HPSE2: variants seen among roughly 807,000 people sequenced by gnomAD.
HPSE2 encodes the protein inactive heparanase-2.
A neutral mutation model predicts 60.5 loss-of-function variants in HPSE2; 38 were observed. The ratio of observed to expected loss-of-function variants is 0.63; its 90% CI spans 0.48 to 0.82. The LOEUF (loss-of-function observed/expected upper bound fraction) is 0.82, where lower values mean the gene tolerates loss of function less well. Ranked by LOEUF, HPSE2 falls within the 40% of genes least tolerant of loss-of-function variation. The probability of loss-of-function intolerance (pLI) is 0.00; values close to 1 mark genes in which losing one functional copy is unlikely to be tolerated. For missense variants in HPSE2, 713 were observed against 740.4 expected (o/e 0.96, Z 0.43); for synonymous variants, 295 against 293.2 (o/e 1.01, Z -0.06).
the HPSE2 span, among the ~76,000 whole-genome samples, chr10:99,296,062 A>T: frequency 6.6e-6 from 1 of 152,308 alleles, no homozygotes; most frequent in Non-Finnish European, 1.5e-5. Context: ...TGTCTGTTTA[A>T]TCACTTTCTA....
the HPSE2 span, among the ~76,000 whole-genome samples, chr10:99,244,593 T>G: frequency 8.1e-6 from 1 of 123,090 alleles, no homozygotes; most frequent in Non-Finnish European, 1.8e-5. Flanking sequence ...TTTTTTTTTG[T>G]AGAGGCAGGG....
intron 6 of HPSE2, among the ~76,000 whole-genome samples, chr10:98,686,193 T>G (rs1298891247): frequency 6.6e-6 from 1 of 152,214 alleles, no homozygotes; most frequent in Non-Finnish European, 1.5e-5. Flanking sequence ...TTACTTAGTT[T>G]GTGCTTAGTT....
intron 9 of HPSE2, among the ~76,000 whole-genome samples, chr10:98,539,757 T>C (rs1442778048): frequency 1.2e-4 from 18 of 152,328 alleles, no homozygotes; most frequent in Admixed American, 1.1e-3. Flanking sequence ...CTTATCTTTC[T>C]CACACCCCTC....
chr10:98,751,353 T>C (rs1478684749), intron 3 of HPSE2, among the ~76,000 whole-genome samples: 3 of 152,188 alleles, frequency 2.0e-5, no homozygotes, highest in African/African-American at 4.8e-5. Context: ...TTTATTAGAC[T>C]AGTGTTTGAG....
chr10:98,635,543 G>C (rs1946474707), intron 7 of HPSE2, among the ~76,000 whole-genome samples: 1 of 152,182 alleles, frequency 6.6e-6, no homozygotes, highest in Non-Finnish European at 1.5e-5. Context: ...CACTTTGGGT[G>C]GCTGGGGCAG....
At chr10:98,467,723 C>T (rs1236241806) in intron 11 of HPSE2, among the ~76,000 whole-genome samples, 1 of 152,268 alleles carries the variant, frequency 6.6e-6, no homozygotes, top group Non-Finnish European at 1.5e-5. Flanking sequence ...ACTCCAGTCT[C>T]AGGAAGGCCG....
At chr10:98,610,315 T>C (rs1364027917) in intron 9 of HPSE2, among the ~76,000 whole-genome samples, 2 of 152,212 alleles carry the variant, frequency 1.3e-5, no homozygotes, top group Admixed American at 1.3e-4. Flanking sequence ...ATCTAGGATC[T>C]TGTCCTAGGA....
At chr10:98,945,616 G>A (rs1447531634) in intron 3 of HPSE2, among the ~76,000 whole-genome samples, 2 of 152,126 alleles carry the variant, frequency 1.3e-5, no homozygotes, top group African/African-American at 4.8e-5. Flanking sequence ...GAAAGTGAGA[G>A]GTAGACACAA....
chr10:98,893,542 A>G (rs1340802629), intron 3 of HPSE2, among the ~76,000 whole-genome samples: 1 of 152,208 alleles, frequency 6.6e-6, no homozygotes, highest in Admixed American at 6.5e-5. Context: ...AAATATTAAA[A>G]GAAAATGCCT....
At chr10:98,930,104 C>T (rs1242223850) in intron 3 of HPSE2, among the ~76,000 whole-genome samples, 1 of 143,266 alleles carries the variant, frequency 7.0e-6, no homozygotes, top group East Asian at 2.0e-4. Flanking sequence ...TTAAGCCCAG[C>T]ATGCATCAGC....
intron 3 of HPSE2, among the ~76,000 whole-genome samples, chr10:99,122,877 T>C (rs778438887): frequency 6.7e-4 from 102 of 152,172 alleles, no homozygotes; most frequent in African/African-American, 2.2e-3. Context: ...GAGTAGTTAA[T>C]AAGCCTTACC....
intron 5 of HPSE2, among the ~76,000 whole-genome samples, chr10:98,702,732 A>G (rs891400391): frequency 6.6e-6 from 1 of 152,208 alleles, no homozygotes; most frequent in Non-Finnish European, 1.5e-5. Context: ...GTTCTTTTAA[A>G]CCAATGAAAA....
chr10:98,776,804 G>A (rs1030220287), intron 3 of HPSE2, among the ~76,000 whole-genome samples: 2 of 151,338 alleles, frequency 1.3e-5, no homozygotes, highest in East Asian at 1.9e-4. Context: ...CTGTGTATTA[G>A]ATGATTATTG....
chr10:99,051,214 C>T (rs1041552552), intron 3 of HPSE2, among the ~76,000 whole-genome samples: 3 of 152,052 alleles, frequency 2.0e-5, no homozygotes, highest in Admixed American at 1.3e-4. Context: ...ACCCAGGAGG[C>T]AGTGATTGCA....
intron 3 of HPSE2, among the ~76,000 whole-genome samples, chr10:98,802,394 T>C (rs1276527684): frequency 2.6e-5 from 4 of 151,458 alleles, no homozygotes; most frequent in Non-Finnish European, 5.9e-5. Context: ...TATGTATACA[T>C]GTGCCATGCT....
intron 9 of HPSE2, among the ~76,000 whole-genome samples, chr10:98,564,964 C>G (rs966344315): frequency 7.9e-5 from 12 of 152,122 alleles, no homozygotes; most frequent in Non-Finnish European, 1.3e-4. Context: ...GACACACAGA[C>G]ATCATCCTGT....
chr10:99,219,066 T>C (rs1849227365), intron 2 of HPSE2, among the ~76,000 whole-genome samples: 1 of 152,242 alleles, frequency 6.6e-6, no homozygotes, highest in Non-Finnish European at 1.5e-5. Context: ...GCTCAAGTTA[T>C]ATTTCCACTC....
intron 3 of HPSE2, among the ~76,000 whole-genome samples, chr10:98,965,505 G>A (rs1955791110): frequency 6.6e-6 from 1 of 151,424 alleles, no homozygotes; most frequent in Non-Finnish European, 1.5e-5. Flanking sequence ...CTGAATATGA[G>A]GTCTCTTCTA....
intron 3 of HPSE2, among the ~76,000 whole-genome samples, chr10:98,754,359 C>T (rs994722967): frequency 4.6e-5 from 7 of 152,060 alleles, no homozygotes; most frequent in East Asian, 1.9e-4. Flanking sequence ...TATGAGATTA[C>T]GTAAAAAGAC....
Sources: gnomAD v4.1 joint callset for allele counts (sites outside exome capture counted in the v4.1 genomes callset) on GRCh38, gnomAD v4.1.1 for gene constraint, MANE v1.5 for transcripts, NCBI Gene and HGNC (gene_info 2026-07-23, HGNC 2026-07-21) for gene names.